MLXIP: variants seen among roughly 807,000 people sequenced by gnomAD.
MLXIP encodes MLX interacting protein, also known as MLX-interacting protein.
A neutral mutation model predicts 87.2 loss-of-function variants in MLXIP; 30 were observed. The ratio of observed to expected loss-of-function variants is 0.34; its 90% CI spans 0.26 to 0.47. MLXIP has a LOEUF of 0.47. MLXIP is among the 20% of genes least tolerant of loss of function. MLXIP has a pLI of 1.00. For missense variants in MLXIP, 1,002 were observed against 1,240.1 expected (o/e 0.81, Z 2.88); for synonymous variants, 530 against 514.0 (o/e 1.03, Z -0.42).
intron 1 of MLXIP, among the ~76,000 whole-genome samples, chr12:122,088,256 A>G: frequency 6.6e-6 from 1 of 152,090 alleles, no homozygotes; most frequent in East Asian, 1.9e-4. Context: ...TGGAATATGC[A>G]TCTCCTGCGG....
chr12:122,133,588 C>T lies in MLXIP; in HGVS notation c.1333C>T (p.Pro445Ser). ...GCTGTCTCCCAGCCCCGCCCCACCG[C>T]CCATCTCCCCCGTGTTACCATTAGT... ...PLLSPSPAPP[P>S]ISPVLPLVPP... The change falls in exon 9 of 17, where the codon CCC (proline) becomes TCC (serine). Residue 445 changes from proline (P) to serine (S), a missense_variant. This residue lies in a region of MLXIP where 746 missense variants were observed against 897.0 expected (regional missense o/e 0.83). Coordinates refer to ENST00000319080, the MANE Select transcript of MLXIP (RefSeq NM_014938.6). The surrounding 1 kb of genome is among the most constrained non-coding windows in gnomAD (Gnocchi z 4.9). The T allele has an allele frequency of 1.9e-6, 3 of 1,607,372 alleles. No homozygotes were observed. Among genetic ancestry groups the T allele is most frequent in the Non-Finnish European group, 2.5e-6 (3 of 1,177,028 alleles).
intron 1 of MLXIP, among the ~76,000 whole-genome samples, chr12:122,121,706 G>C (rs1952787697): frequency 6.6e-6 from 1 of 152,160 alleles, no homozygotes; most frequent in Non-Finnish European, 1.5e-5. Flanking sequence ...CTTACTTCCA[G>C]CTTGGTCTGT....
At chr12:122,117,225 A>G (rs1249520706) in intron 1 of MLXIP, among the ~76,000 whole-genome samples, 3 of 152,230 alleles carry the variant, frequency 2.0e-5, no homozygotes, top group Non-Finnish European at 2.9e-5. Flanking sequence ...GTAAGAAAAA[A>G]GATGCCAAGA....
At chr12:122,095,023 G>T (rs1952328979) in intron 1 of MLXIP, among the ~76,000 whole-genome samples, 1 of 139,720 alleles carries the variant, frequency 7.2e-6, no homozygotes, top group South Asian at 2.4e-4. Context: ...GTGTTGGTGT[G>T]TTGTGTGTGT....
rs1953111546 is a variant in MLXIP at position 122,137,376 on chromosome 12, G to A, written c.2033-93G>A. On this transcript the variant is annotated intron_variant, in intron 11 of 16. Transcript: ENST00000319080. This position sits in a 1 kb window ranked among gnomAD's most constrained non-coding sequence, Gnocchi z 4.1. Reference sequence around the variant, plus strand: ...CCAAGTGCAATACGTGGCTAGCAGCGAGCACCTCATAACCCTGCAGAGACC... The same window carrying A: ...CCAAGTGCAATACGTGGCTAGCAGCAAGCACCTCATAACCCTGCAGAGACC... 14 of 1,412,602 alleles carry A rather than the reference G, an allele frequency of 9.9e-6. No homozygotes were observed. Among genetic ancestry groups the A allele is most frequent in the East Asian group, 2.5e-5 (1 of 40,684 alleles). The allele number at this position is 1,412,602 out of a possible 1,614,324, so 87.5% of individuals were successfully genotyped here.
chr12:122,079,836 G>T (rs1450557882), intron 1 of MLXIP, among the ~76,000 whole-genome samples: 1 of 152,240 alleles, frequency 6.6e-6, no homozygotes, highest in Non-Finnish European at 1.5e-5. Context: ...TGCACCTGGA[G>T]GCTGGCCCCC....
chr12:122,083,372 T>C (rs1359073219), intron 1 of MLXIP, among the ~76,000 whole-genome samples: 2 of 152,032 alleles, frequency 1.3e-5, no homozygotes, highest in African/African-American at 2.4e-5. Context: ...TGTAAGTTTC[T>C]AAAAAGTGGC....
Position 122,079,281 on chromosome 12 carries a change from G to T in MLXIP, c.413+15G>T. The T allele has an allele frequency of 6.5e-7, 1 of 1,546,216 alleles. No individual in the cohort carries two copies. On this transcript the variant is annotated intron_variant, in intron 1 of 16. Coordinates refer to ENST00000319080, the MANE Select transcript of MLXIP (RefSeq NM_014938.6). ...TTGGCCTACAGGTAGGGACCCCCGC[G>T]ACCCCCTGAGGCCCCGGCCGGAGGC... is the stretch of plus-strand genomic sequence containing the variant.
chr12:122,123,411 G>A (rs912681243), intron 1 of MLXIP, among the ~76,000 whole-genome samples: 2 of 152,144 alleles, frequency 1.3e-5, no homozygotes, highest in African/African-American at 4.8e-5. Context: ...ACCGAAACTC[G>A]GGGTGGAACG....
At chr12:122,129,828 C>T (rs1382308138) in intron 5 of MLXIP, 113 bp from the exon 6 acceptor site, 4 of 1,394,296 alleles carry the variant, frequency 2.9e-6, no homozygotes, top group Non-Finnish European at 3.9e-6. Context: ...CACCCTGCTG[C>T]CTCACTTCCA....
intron 1 of MLXIP, among the ~76,000 whole-genome samples, chr12:122,085,466 C>T (rs570782718): frequency 6.6e-6 from 1 of 151,008 alleles, no homozygotes; most frequent in East Asian, 2.0e-4. Context: ...TGCAATGGCG[C>T]GATCTGGGCT....
Position 122,135,837 on chromosome 12 carries a change from G to C in MLXIP, c.2032+171G>C. 1 of 829,758 alleles carries C rather than the reference G, an allele frequency of 1.2e-6. No homozygotes were observed. The highest frequency in any genetic ancestry group is 1.8e-6 in the Non-Finnish European group (1 of 569,974). 51.4% of individuals were successfully genotyped at this position (829,758 alleles called of 1,614,324 possible). ...CAGTCTGGGAACACGCTCTGTGGGT[G>C]GCAGGATGAAATGTGGTGGCACTGG... is the stretch of plus-strand genomic sequence containing the variant. On this transcript the variant is annotated intron_variant, in intron 11 of 16. Transcript: ENST00000319080. This position sits in a 1 kb window ranked among gnomAD's most constrained non-coding sequence, Gnocchi z 5.3.
chr12:122,100,757 T>TA (rs1267831507), intron 1 of MLXIP, among the ~76,000 whole-genome samples: 1 of 152,204 alleles, frequency 6.6e-6, no homozygotes, highest in Non-Finnish European at 1.5e-5. Context: ...GTAATTAACT[T>TA]AGTGAGGGTT....
intron 1 of MLXIP, 51 bp from the exon 2 acceptor site, chr12:122,127,205 C>T: frequency 7.0e-7 from 1 of 1,438,076 alleles, no homozygotes; most frequent in East Asian, 2.3e-5. Flanking sequence ...TGTAATTTCA[C>T]TTCAATTTCA....
chr12:122,117,817 TTAATTTA>T (rs1174365776), intron 1 of MLXIP, among the ~76,000 whole-genome samples: 9 of 152,196 alleles, frequency 5.9e-5, no homozygotes, highest in Admixed American at 3.3e-4. Context: ...GTGATAAAGC[TTAATTTA>T]TAAGTTAGGC....
At chr12:122,110,603 T>C (rs1179207933) in intron 1 of MLXIP, among the ~76,000 whole-genome samples, 1 of 151,600 alleles carries the variant, frequency 6.6e-6, no homozygotes, top group Non-Finnish European at 1.5e-5. Flanking sequence ...ACGCTTATCT[T>C]TACCAAAAAA....
intron 14 of MLXIP, 38 bp downstream of exon 14, chr12:122,138,589 C>A: frequency 6.3e-7 from 1 of 1,585,280 alleles, no homozygotes; most frequent in Non-Finnish European, 8.6e-7. Flanking sequence ...CCAGGCACCC[C>A]ATCCCGATGC....
intron 1 of MLXIP, among the ~76,000 whole-genome samples, chr12:122,101,034 A>AAATTATAAT (rs1211228489): frequency 6.6e-6 from 1 of 152,028 alleles, no homozygotes; most frequent in Non-Finnish European, 1.5e-5. Flanking sequence ...ACTCTTCAAA[A>AAATTATAAT]AATTATAATA....
chr12:122,113,681 C>CTTTTTTTT (rs1173711241), intron 1 of MLXIP, among the ~76,000 whole-genome samples: 1,366 of 100,634 alleles, frequency 0.014, 74 homozygotes, highest in East Asian at 0.016. Context: ...GCCTTCATTT[C>CTTTTTTTT]TTTTTTTTTT....
Sources: allele counts gnomAD v4.1 joint callset (sites outside exome capture counted in the v4.1 genomes callset), GRCh38; gene constraint gnomAD v4.1.1; regional missense constraint gnomAD v4.1.1; non-coding constraint Gnocchi (gnomAD v3.1); transcripts MANE v1.5; gene names NCBI Gene and HGNC (gene_info 2026-07-23, HGNC 2026-07-21).